The following CYTIP variants were observed in gnomAD, a reference collection of about 807,000 sequenced individuals.
The protein encoded by CYTIP is cytohesin-interacting protein.
CYTIP carries 26 observed loss-of-function variants against 43.8 expected under a neutral mutation model. The ratio of observed to expected loss-of-function variants is 0.59; its 90% CI spans 0.44 to 0.82. The LOEUF (loss-of-function observed/expected upper bound fraction) is 0.82. CYTIP is among the 40% of genes least tolerant of loss of function. The probability of loss-of-function intolerance (pLI) is 0.00; values close to 1 mark genes in which losing one functional copy is unlikely to be tolerated. For missense variants in CYTIP, 426 were observed against 443.1 expected, an observed-to-expected ratio of 0.96 and a Z score of 0.35; for synonymous variants, 162 against 162.9, an observed-to-expected ratio of 0.99 and a Z score of 0.04.
At chr2:157,432,566 G>T (rs1341673680) in intron 3 of CYTIP, among the ~76,000 whole-genome samples, 2 of 152,056 alleles carry the variant, frequency 1.3e-5, no homozygotes, top group African/African-American at 2.4e-5. Context: ...ACCCCATAAG[G>T]CATTAGGAGG....
intron 2 of CYTIP, 103 bp downstream of exon 2, chr2:157,434,595 T>TAGAGAGAG (rs70987792): frequency 4.2e-6 from 3 of 705,978 alleles, no homozygotes; most frequent in African/African-American, 1.9e-5. Context: ...TGTGTGTGCG[T>TAGAGAGAG]AGAGAGAGAG....
chr2:157,416,438 T>G lies in CYTIP; in HGVS notation c.614-295A>C, dbSNP rs116229295. Among the ~76,000 whole-genome samples the G allele has an allele frequency of 6.8e-3, 1,033 of 152,260 alleles. 17 individuals carry two copies. Among genetic ancestry groups the G allele is most frequent in the African/African-American group, 0.023 (938 of 41,558 alleles). On this transcript the variant is annotated intron_variant, in intron 7 of 7. Transcript: ENST00000264192. ...GAGAACAGTTCAGCCCAATTGACAG[T>G]CTACCAGTGTGGCATCTGAACCTCC...
At chr2:157,431,857 T>C (rs924086015) in intron 3 of CYTIP, among the ~76,000 whole-genome samples, 1 of 152,190 alleles carries the variant, frequency 6.6e-6, no homozygotes, top group African/African-American at 2.4e-5. Flanking sequence ...TTCTTTCTTA[T>C]TCAATAATCC....
chr2:157,414,819 A>C lies in CYTIP; in HGVS notation c.*858T>G, dbSNP rs186878588. On this transcript the variant is annotated 3_prime_UTR_variant, in exon 8 of 8. Transcript: ENST00000264192. The stretch of plus-strand genomic sequence containing the variant: ...ACTGCTGAGGTGATAGCTATTTAGA[A>C]TATAAGATATAAAGTGAGAAGTAAT... 22 of 152,344 alleles carry C rather than the reference A, an allele frequency of 1.4e-4. No homozygotes were observed. The East Asian group carries it at 4.2e-3, about 29-fold the overall frequency. 9.4% of individuals were successfully genotyped at this position (152,344 alleles called of 1,614,324 possible).
At chr2:157,418,648 A>G in intron 6 of CYTIP, 59 bp from the exon 7 acceptor site, 2 of 1,459,950 alleles carry the variant, frequency 1.4e-6, no homozygotes, top group Non-Finnish European at 1.8e-6. Flanking sequence ...CAGTGAAGCT[A>G]GCAATTTAAT....
intron 1 of CYTIP, chr2:157,438,979 T>C (rs1364885179): frequency 4.9e-6 from 2 of 409,346 alleles, no homozygotes; most frequent in South Asian, 1.9e-5. Flanking sequence ...TAGATTCAAA[T>C]GTAAAATCTT....
At chr2:157,434,817 TCTC>T (rs1685782042) in intron 1 of CYTIP, 70 bp from the exon 2 acceptor site, 5 of 113,754 alleles carry the variant, frequency 4.4e-5, no homozygotes. Context: ...TCTAAATCTC[TCTC>T]TCTCTCTCTC....
At position 157,414,904 on chromosome 2, in the gene CYTIP, T is replaced by G. The variant is rs956248410; in HGVS notation, c.*773A>C. The G allele has an allele frequency of 1.3e-5, 2 of 152,192 alleles. No individual in the cohort carries two copies. Among genetic ancestry groups the G allele is most frequent in the Non-Finnish European group, 2.9e-5 (2 of 68,032 alleles). 9.4% of individuals were successfully genotyped at this position (152,192 alleles called of 1,614,324 possible). On this transcript the variant is annotated 3_prime_UTR_variant, in exon 8 of 8. Coordinates refer to ENST00000264192, the MANE Select transcript of CYTIP (RefSeq NM_004288.5). ...AACCCTCAGTTTTGGATGTTAGACA[T>G]TTGTAGAAAAAAAATTACAAAGCTG...
intron 5 of CYTIP, 58 bp from the exon 6 acceptor site, chr2:157,427,478 CG>C: frequency 7.7e-7 from 1 of 1,293,194 alleles, no homozygotes; most frequent in Non-Finnish European, 1.1e-6. Flanking sequence ...ATGAGTGATT[CG>C]TTTAAATAAG....
chr2:157,434,683 A>T lies in CYTIP; in HGVS notation c.224+15T>A, dbSNP rs2105143373. On this transcript the variant is annotated intron_variant, in intron 2 of 7. Transcript: ENST00000264192. ...AATATTTTGGGAGAGACAAAAAATA[A>T]TTCAATCTCTTTACCTTTGAGACCA... 6.3e-7 allele frequency: 1 copy of T among 1,599,354 alleles called. No homozygotes were observed. The highest frequency in any genetic ancestry group is 8.6e-7 in the Non-Finnish European group (1 of 1,168,358).
chr2:157,421,508 T>C (rs538160308), intron 6 of CYTIP, among the ~76,000 whole-genome samples: 63 of 152,352 alleles, frequency 4.1e-4, no homozygotes, highest in African/African-American at 1.5e-3. Flanking sequence ...AAAATGAATA[T>C]TCAATGTAAC....
chr2:157,432,300 G>T (rs1685725587), intron 3 of CYTIP, among the ~76,000 whole-genome samples: 1 of 152,120 alleles, frequency 6.6e-6, no homozygotes, highest in African/African-American at 2.4e-5. Context: ...ATGGTAGTTA[G>T]AAATAGAAAA....
chr2:157,434,725 G>T lies in CYTIP; in HGVS notation c.197C>A (p.Ser66Tyr), dbSNP rs557688450. 6.2e-7 allele frequency: 1 copy of T among 1,611,500 alleles called. No individual in the cohort carries two copies. The highest frequency in any genetic ancestry group is 1.1e-5 in the South Asian group (1 of 90,736). Residue 66 changes from serine to tyrosine, a missense_variant, in exon 2 of 8, where the codon TCT becomes TAT. Physicochemically the swap from Ser to Tyr is moderately radical, Grantham distance 144. Transcript: ENST00000264192. Reference protein sequence around the residue: ...RKQLALTRSSSLSDFSWSQRK... With the variant: ...RKQLALTRSSYLSDFSWSQRK... Reference sequence around the variant, plus strand: ...TTGAGACCAGGAAAAGTCACTTAAAGAACTTGATCTGGTCAAAGCAAGCTG... The same window carrying T: ...TTGAGACCAGGAAAAGTCACTTAAATAACTTGATCTGGTCAAAGCAAGCTG...
chr2:157,416,073 A>T lies in CYTIP; in HGVS notation c.684T>A (p.Pro228=), dbSNP rs775822060. The T allele has an allele frequency of 2.5e-6, 4 of 1,614,160 alleles. No homozygotes were observed. Among genetic ancestry groups the T allele is most frequent in the Non-Finnish European group, 3.4e-6 (4 of 1,180,016 alleles). The stretch of plus-strand genomic sequence containing the variant: ...GGTCCACAAGGGCTGGGCCTGGCCC[A>T]GGCAGGGGTCCAAACAAAGACAATT... ...LDELSLFGPL[P]GPGPALVDRN... is the part of the protein sequence containing the mutation. Residue 228 remains proline (P), a synonymous_variant, in exon 8 of 8, where the codon CCT becomes CCA. Coordinates refer to ENST00000264192, the MANE Select transcript of CYTIP (RefSeq NM_004288.5).
At chr2:157,423,606 G>T (rs1272745575) in intron 6 of CYTIP, among the ~76,000 whole-genome samples, 1 of 151,802 alleles carries the variant, frequency 6.6e-6, no homozygotes, top group African/African-American at 2.4e-5. Context: ...AAAATAAGAA[G>T]AGGAAAACAG....
chr2:157,429,044 T>C (rs1001435889), intron 5 of CYTIP, among the ~76,000 whole-genome samples: 1 of 152,116 alleles, frequency 6.6e-6, no homozygotes, highest in Non-Finnish European at 1.5e-5. Flanking sequence ...CATCTATAAA[T>C]AGGAATAAAA....
chr2:157,419,772 C>G (rs1685491900), intron 6 of CYTIP, among the ~76,000 whole-genome samples: 1 of 151,830 alleles, frequency 6.6e-6, no homozygotes, highest in Non-Finnish European at 1.5e-5. Context: ...AAGGAAGAGG[C>G]AAAAAATGTA....
At chr2:157,430,706 C>G in intron 4 of CYTIP, 54 bp from the exon 5 acceptor site, 1 of 1,546,504 alleles carries the variant, frequency 6.5e-7, no homozygotes, top group Non-Finnish European at 8.9e-7. Flanking sequence ...ATAATCCCTC[C>G]TGACATGCAA....
chr2:157,440,060 T>C (rs1194349325), intron 1 of CYTIP, among the ~76,000 whole-genome samples: 1 of 152,180 alleles, frequency 6.6e-6, no homozygotes, highest in African/African-American at 2.4e-5. Context: ...CCACTCTATA[T>C]ACTCATCTCC....
Sources: gnomAD v4.1 joint callset for allele counts (sites outside exome capture counted in the v4.1 genomes callset) on GRCh38, gnomAD v4.1.1 for gene constraint, MANE v1.5 for transcripts, NCBI Gene and HGNC (gene_info 2026-07-23, HGNC 2026-07-21) for gene names.